The following CTTNBP2NL variants were observed in gnomAD, a reference collection of about 807,000 sequenced individuals.
CTTNBP2NL encodes the protein CTTNBP2 N-terminal like, also known as CTTNBP2 N-terminal-like protein.
A neutral mutation model predicts 32.5 loss-of-function variants in CTTNBP2NL; 16 were observed. That is an observed-to-expected ratio of 0.49 (90% CI 0.33 to 0.75). The LOEUF is 0.75. Among genes scored for constraint, CTTNBP2NL ranks in the 30% least tolerant of loss-of-function variants. The pLI, the probability that CTTNBP2NL is intolerant of heterozygous loss-of-function variation, is 0.02. For synonymous variants in CTTNBP2NL, 298 were observed against 289.4 expected (o/e 1.03, Z -0.30); for missense variants, 645 against 756.0 (o/e 0.85, Z 1.72).
chr1:112,396,347 A>G (rs1648326400), intron 1 of CTTNBP2NL, 75 bp downstream of exon 1: 1 of 152,316 alleles, frequency 6.6e-6, no homozygotes, highest in Non-Finnish European at 1.5e-5. Flanking sequence ...GGATAGGGGC[A>G]CCGGTAGCCT....
Position 112,439,604 on chromosome 1 carries a change from A to T in CTTNBP2NL, c.100-9338A>T, listed in dbSNP as rs56396752. On this transcript the variant is annotated intron_variant, in intron 3 of 5. Transcript: ENST00000271277. ...TTGAAGTTTTCGGCACTGTCTGTTA[A>T]TGGTGAGTGAAAGAGCCCAGCACAT... Among the ~76,000 whole-genome samples the T allele has an allele frequency of 2.6e-5, 4 of 152,198 alleles. No homozygotes were observed. The East Asian group carries it at 7.7e-4, about 29-fold the overall frequency.
chr1:112,402,127 G>A (rs1009605398), intron 1 of CTTNBP2NL, among the ~76,000 whole-genome samples: 2 of 152,154 alleles, frequency 1.3e-5, no homozygotes, highest in Non-Finnish European at 2.9e-5. Flanking sequence ...CCATAGAAAG[G>A]TGAGAGCCAG....
chr1:112,402,231 C>G (rs1394146927), intron 1 of CTTNBP2NL, among the ~76,000 whole-genome samples: 6 of 152,012 alleles, frequency 3.9e-5, no homozygotes, highest in Admixed American at 1.3e-4. Context: ...CCAGCCTGAC[C>G]AACATGGAGA....
At chr1:112,407,109 T>C (rs1648688414) in intron 1 of CTTNBP2NL, among the ~76,000 whole-genome samples, 1 of 152,338 alleles carries the variant, frequency 6.6e-6, no homozygotes, top group East Asian at 1.9e-4. Context: ...TAATGCTGTC[T>C]ATAATATGGC....
At chr1:112,450,257 T>G (rs1410004531) in intron 4 of CTTNBP2NL, among the ~76,000 whole-genome samples, 1 of 152,180 alleles carries the variant, frequency 6.6e-6, no homozygotes, top group Non-Finnish European at 1.5e-5. Context: ...GAGTGGAACT[T>G]CTTAACCATG....
In CTTNBP2NL at chr1:112,458,541, A is replaced by G. The variant is rs1467640574; in HGVS notation, c.*1129A>G. On this transcript the variant is annotated 3_prime_UTR_variant, in exon 6 of 6. Coordinates refer to ENST00000271277, the MANE Select transcript of CTTNBP2NL (RefSeq NM_018704.3). ...ATATCTTTGGAGTTTGCAATATAGC[A>G]TAAAGGACAAGTAGAACTGCACATT... The G allele has an allele frequency of 6.6e-6, 1 of 152,270 alleles. No homozygotes were observed. Among genetic ancestry groups the G allele is most frequent in the Non-Finnish European group, 1.5e-5 (1 of 68,052 alleles). The allele number at this position is 152,270 out of a possible 1,614,324, so 9.4% of individuals were successfully genotyped here.
In CTTNBP2NL at chr1:112,409,033, CAGG is replaced by C. The variant is rs1168695904; in HGVS notation, c.-133-3158_-133-3156del. On this transcript the variant is annotated intron_variant, in intron 1 of 5. Transcript: ENST00000271277. ...GTCCCAGCTACTTAGGAGGCTGAGG[CAGG>C]AGAATTGCTTAAACTGCGGAGGCAG... Among the ~76,000 whole-genome samples the C allele has an allele frequency of 3.4e-5, 5 of 148,748 alleles. No homozygotes were observed. The East Asian group carries it at 1.0e-3, about 30-fold the overall frequency.
intron 3 of CTTNBP2NL, among the ~76,000 whole-genome samples, chr1:112,442,197 C>T (rs970453911): frequency 2.6e-5 from 4 of 152,136 alleles, no homozygotes; most frequent in African/African-American, 9.7e-5. Flanking sequence ...GCGATCTCGG[C>T]TCACTGCAGC....
chr1:112,443,928 G>A (rs562619651), intron 3 of CTTNBP2NL, among the ~76,000 whole-genome samples: 3 of 152,154 alleles, frequency 2.0e-5, no homozygotes, highest in Non-Finnish European at 4.4e-5. Context: ...TTACTTGACA[G>A]TAAATAGATT....
chr1:112,396,470 A>G (rs1648331439), intron 1 of CTTNBP2NL, 198 bp downstream of exon 1: 1 of 152,124 alleles, frequency 6.6e-6, no homozygotes, highest in Non-Finnish European at 1.5e-5. Context: ...GGGTCCTCAC[A>G]GCTACTTTTT....
rs923339502 is a variant in CTTNBP2NL, at chr1:112,458,443, T to C, written c.*1031T>C. 1.3e-5 allele frequency: 2 copies of C among 152,648 alleles called. No individual in the cohort carries two copies. 9.5% of individuals were successfully genotyped at this position (152,648 alleles called of 1,614,324 possible). ...TTTGCTTAAATGGGAAGTATACATATATCTGTATAGATACATTACCCCTTT... is the reference window on the plus strand; with the variant it reads ...TTTGCTTAAATGGGAAGTATACATACATCTGTATAGATACATTACCCCTTT... On this transcript the variant is annotated 3_prime_UTR_variant, in exon 6 of 6. Coordinates refer to ENST00000271277, the MANE Select transcript of CTTNBP2NL (RefSeq NM_018704.3).
intron 3 of CTTNBP2NL, among the ~76,000 whole-genome samples, chr1:112,440,141 C>A (rs542366258): frequency 6.6e-6 from 1 of 152,288 alleles, no homozygotes; most frequent in South Asian, 2.1e-4. Flanking sequence ...CCATTCAGAG[C>A]CTGGGCCCTG....
chr1:112,426,866 A>G (rs1649422401), intron 3 of CTTNBP2NL, among the ~76,000 whole-genome samples: 2 of 152,096 alleles, frequency 1.3e-5, no homozygotes, highest in South Asian at 4.2e-4. Flanking sequence ...TCAGCCTCCC[A>G]AAGTTCTGGG....
At position 112,407,549 on chromosome 1, in the gene CTTNBP2NL, A is replaced by T. The variant is rs566451950; in HGVS notation, c.-133-4645A>T. On this transcript the variant is annotated intron_variant, in intron 1 of 5. Coordinates refer to ENST00000271277, the MANE Select transcript of CTTNBP2NL (RefSeq NM_018704.3). ...ACCCTAATGACCTCATTTTAACTTAATTATCTCTTTAGAGATCCTGTTTCC... is the reference window on the plus strand; with the variant it reads ...ACCCTAATGACCTCATTTTAACTTATTTATCTCTTTAGAGATCCTGTTTCC... Among the ~76,000 whole-genome samples the T allele has an allele frequency of 3.9e-5, 6 of 152,160 alleles. No homozygotes were observed. The South Asian group carries it at 6.2e-4, about 16-fold the overall frequency.
Position 112,456,582 on chromosome 1 carries a change from G to T in CTTNBP2NL, c.1090G>T (p.Ala364Ser). ...GATACAAACTACCAGGGAGCTGACT[G>T]CAGGCAACAATGTAGAAAACCAGGT... Reference protein sequence around the residue: ...PEIQTTRELTAGNNVENQVPP... With the variant: ...PEIQTTRELTSGNNVENQVPP... The change falls in exon 6 of 6, where the codon GCA becomes TCA. Residue 364 changes from alanine (A) to serine (S), a missense_variant. By Grantham distance (99) the Ala-to-Ser change is moderately conservative. Transcript: ENST00000271277. The T allele has an allele frequency of 6.2e-7, 1 of 1,614,178 alleles. No individual in the cohort carries two copies. Among genetic ancestry groups the T allele is most frequent in the Non-Finnish European group, 8.5e-7 (1 of 1,180,020 alleles).
At chr1:112,434,581 A>G (rs773845067) in intron 3 of CTTNBP2NL, among the ~76,000 whole-genome samples, 10 of 152,154 alleles carry the variant, frequency 6.6e-5, no homozygotes, top group Non-Finnish European at 1.0e-4. Flanking sequence ...CCTAACCATC[A>G]TTAGTATCAA....
rs193190942 is a variant in CTTNBP2NL, at chr1:112,425,433, C to T, written c.99+9169C>T. Among the ~76,000 whole-genome samples, 618 of 152,068 alleles carry T rather than the reference C, an allele frequency of 4.1e-3. 2 individuals carry two copies. The highest frequency in any genetic ancestry group is 0.014 in the Middle Eastern group (4 of 294). On this transcript the variant is annotated intron_variant, in intron 3 of 5. Coordinates refer to ENST00000271277, the MANE Select transcript of CTTNBP2NL (RefSeq NM_018704.3). The stretch of plus-strand genomic sequence containing the variant: ...TTGCAGTGAGCTGAGATCGCGCCAC[C>T]GCACTCCAACCTGGGCAGCAGAGCA...
intron 3 of CTTNBP2NL, among the ~76,000 whole-genome samples, chr1:112,424,329 A>T (rs996884663): frequency 1.3e-5 from 2 of 152,010 alleles, no homozygotes; most frequent in African/African-American, 4.8e-5. Flanking sequence ...TCAGTCGGTT[A>T]TTCATATATT....
chr1:112,397,742 T>C (rs1350645517), intron 1 of CTTNBP2NL, among the ~76,000 whole-genome samples: 1 of 152,220 alleles, frequency 6.6e-6, no homozygotes, highest in Non-Finnish European at 1.5e-5. Context: ...TAGCATAGTT[T>C]CTTTTGCTTC....
Sources: gnomAD v4.1 joint callset for allele counts (sites outside exome capture counted in the v4.1 genomes callset) on GRCh38, gnomAD v4.1.1 for gene constraint, MANE v1.5 for transcripts, NCBI Gene and HGNC (gene_info 2026-07-23, HGNC 2026-07-21) for gene names.